Variants in TTC39C observed in about 807,000 individuals in gnomAD.
TTC39C encodes tetratricopeptide repeat protein 39C.
Under a neutral mutation model 76.3 loss-of-function variants are expected in TTC39C, and 33 were observed. The ratio of observed to expected loss-of-function variants is 0.43; its 90% CI spans 0.33 to 0.58. The LOEUF (loss-of-function observed/expected upper bound fraction) is 0.58, where lower values mean the gene tolerates loss of function less well. TTC39C is among the 20% of genes least tolerant of loss of function. The probability of loss-of-function intolerance (pLI) is 0.04; values close to 1 mark genes in which losing one functional copy is unlikely to be tolerated. For missense variants in TTC39C, 595 were observed against 701.4 expected, an observed-to-expected ratio of 0.85 and a Z score of 1.71; for synonymous variants, 254 against 260.6, an observed-to-expected ratio of 0.97 and a Z score of 0.24.
At chr18:24,026,784 T>C (rs532327927) in intron 1 of TTC39C, among the ~76,000 whole-genome samples, 2 of 152,292 alleles carry the variant, frequency 1.3e-5, no homozygotes, top group African/African-American at 4.8e-5. Context: ...GTTGCCTCCT[T>C]CCATCTGCAG....
At chr18:24,131,114 G>A (rs1006332076) in intron 12 of TTC39C, among the ~76,000 whole-genome samples, 7 of 149,608 alleles carry the variant, frequency 4.7e-5, no homozygotes. Flanking sequence ...TAACCTGGGG[G>A]GCTGAGGTGA....
At chr18:24,052,028 A>C (rs111334985) in intron 1 of TTC39C, among the ~76,000 whole-genome samples, 1 of 152,204 alleles carries the variant, frequency 6.6e-6, no homozygotes, top group South Asian at 2.1e-4. Context: ...AATAGTAATA[A>C]ATGCTCTGCA....
intron 1 of TTC39C, among the ~76,000 whole-genome samples, chr18:24,004,680 A>G (rs1374544020): frequency 2.0e-5 from 3 of 152,216 alleles, no homozygotes; most frequent in African/African-American, 7.2e-5. Flanking sequence ...TCTGAGTTTA[A>G]TATAATAATA....
intron 1 of TTC39C, among the ~76,000 whole-genome samples, chr18:24,054,896 A>T (rs900767436): frequency 6.6e-6 from 1 of 152,032 alleles, no homozygotes; most frequent in Non-Finnish European, 1.5e-5. Flanking sequence ...ATGGCTCCCC[A>T]TTCCTTTCCC....
At chr18:24,066,586 C>G (rs1443834968) in intron 3 of TTC39C, among the ~76,000 whole-genome samples, 1 of 152,152 alleles carries the variant, frequency 6.6e-6, no homozygotes, top group Non-Finnish European at 1.5e-5. Context: ...TGATTTTGCC[C>G]TCACCATTTC....
At chr18:24,018,038 AATTCAGAT>A (rs1436736189) in intron 1 of TTC39C, among the ~76,000 whole-genome samples, 1 of 152,234 alleles carries the variant, frequency 6.6e-6, no homozygotes, top group African/African-American at 2.4e-5. Context: ...TGGATTGTAT[AATTCAGAT>A]ATTATGCATA....
chr18:24,030,786 C>T (rs2083659453), intron 1 of TTC39C, among the ~76,000 whole-genome samples: 1 of 151,266 alleles, frequency 6.6e-6, no homozygotes. Flanking sequence ...TCCTGAGTAG[C>T]TGGGATCATA....
In TTC39C at chr18:24,024,008, A is replaced by ATTTTTT. The variant is rs1568409133; in HGVS notation, c.167+8971_167+8972insTTTTTT. ...TATATATATATATATATATATATAT[A>ATTTTTT]TATATATATTTTTTTTTTTTTTTGA... is the stretch of plus-strand genomic sequence containing the variant. On this transcript the variant is annotated intron_variant, in intron 1 of 13. Coordinates refer to ENST00000317571, the MANE Select transcript of TTC39C (RefSeq NM_001135993.2). Among the ~76,000 whole-genome samples the ATTTTTT allele has an allele frequency of 2.6e-3, 18 of 6,962 alleles. 2 individuals are homozygous for ATTTTTT. Among genetic ancestry groups the ATTTTTT allele is most frequent in the South Asian group, 0.013 (1 of 76 alleles). The allele number at this position is 6,962 out of a possible 152,430, so 4.6% of individuals were successfully genotyped here. A position where few individuals can be genotyped will look rare whatever the true frequency, so the allele number is the denominator to read the frequency against.
At chr18:24,015,292 T>TC (rs1364141694) in intron 1 of TTC39C, 2 of 370,012 alleles carry the variant, frequency 5.4e-6, no homozygotes, top group Admixed American at 9.6e-5. Flanking sequence ...GCGCCCGCAG[T>TC]CCCCCTCTCA....
At position 24,015,034 on chromosome 18, in the gene TTC39C, T is replaced by C. The variant is rs1348042218; in HGVS notation, c.163T>C (p.Tyr55His). The change falls in exon 1 of 14, where the codon TAC becomes CAC. Residue 55 changes from tyrosine to histidine, a missense_variant. Physicochemically the swap from Tyr to His is moderately conservative, Grantham distance 83. Coordinates refer to ENST00000317571, the MANE Select transcript of TTC39C (RefSeq NM_001135993.2). ...FRESDQLFKQ[Y>H]RNHSPLMSFG... The stretch of plus-strand genomic sequence containing the variant: ...GGAGTCGGACCAGCTTTTCAAACAA[T>C]ACAGGTGACCCACGCGTCCCCGATT... The C allele has an allele frequency of 1.4e-6, 2 of 1,452,252 alleles. No individual in the cohort carries two copies. Among genetic ancestry groups the C allele is most frequent in the Non-Finnish European group, 1.8e-6 (2 of 1,097,342 alleles). 90.0% of individuals were successfully genotyped at this position (1,452,252 alleles called of 1,614,324 possible).
chr18:24,117,136 C>A (rs1464443501), intron 7 of TTC39C, among the ~76,000 whole-genome samples: 1 of 152,042 alleles, frequency 6.6e-6, no homozygotes, highest in African/African-American at 2.4e-5. Flanking sequence ...CACTATTAGC[C>A]CCCTTTGCAA....
At chr18:24,023,991 TATATA>T (rs2083560356) in intron 1 of TTC39C, among the ~76,000 whole-genome samples, 1 of 5,398 alleles carries the variant, frequency 1.9e-4, no homozygotes, top group Non-Finnish European at 4.7e-4. Flanking sequence ...CATATATATA[TATATA>T]TATATATATA....
At chr18:24,088,813 C>T (rs1041268842) in intron 6 of TTC39C, among the ~76,000 whole-genome samples, 1 of 152,172 alleles carries the variant, frequency 6.6e-6, no homozygotes, top group Admixed American at 6.5e-5. Context: ...GTTCTTCCCC[C>T]TCATTTTCAA....
At position 24,001,823 on chromosome 18, in the gene TTC39C, G is replaced by GTTTTTTT. The variant is rs750295981; in HGVS notation, c.-17+8799_-17+8805dup. ...GGAGGGTGAGGTGTACGGTAATTCT[G>GTTTTTTT]TTTTTTTTTTTTTTTTTTTTGAGAC... On this transcript the variant is annotated intron_variant, in intron 1 of 13. Transcript: ENST00000304621. 9.3e-3 allele frequency among the ~76,000 whole-genome samples: 532 copies of GTTTTTTT among 57,352 alleles called. 15 individuals carry two copies. Among genetic ancestry groups the GTTTTTTT allele is most frequent in the East Asian group, 0.017 (47 of 2,772 alleles). The allele number at this position is 57,352 out of a possible 152,430, so 37.6% of individuals were successfully genotyped here.
At chr18:24,037,785 G>T (rs1257644594) in intron 1 of TTC39C, among the ~76,000 whole-genome samples, 4 of 152,198 alleles carry the variant, frequency 2.6e-5, no homozygotes, top group African/African-American at 7.2e-5. Flanking sequence ...TGGTGGCAGG[G>T]TTGCTGTTGT....
At position 24,014,843 on chromosome 18, in the gene TTC39C, C is replaced by T; in HGVS notation, c.-29C>T. The T allele has an allele frequency of 8.0e-7, 1 of 1,245,080 alleles. No homozygotes were observed. The allele number at this position is 1,245,080 out of a possible 1,614,324, so 77.1% of individuals were successfully genotyped here. The stretch of plus-strand genomic sequence containing the variant: ...CCGCAGCAGCTGCTCCCGATCTCGC[C>T]TCGGCCCAGCGCAGGGCCTCGCACG... On this transcript the variant is annotated 5_prime_UTR_variant, in exon 1 of 14. Coordinates refer to ENST00000317571, the MANE Select transcript of TTC39C (RefSeq NM_001135993.2).
intron 11 of TTC39C, among the ~76,000 whole-genome samples, chr18:24,129,818 T>C (rs2085100413): frequency 6.6e-6 from 1 of 151,384 alleles, no homozygotes. Flanking sequence ...AATAGGAGAC[T>C]CTTGGCTTTT....
intron 6 of TTC39C, among the ~76,000 whole-genome samples, chr18:24,092,111 A>T (rs367733062): frequency 0.01 from 1,358 of 132,072 alleles, 58 homozygotes; most frequent in Admixed American, 0.054. Flanking sequence ...AAAAAAAAAA[A>T]AAAAAAAAAA....
At chr18:24,057,252 A>G (rs11661701) in intron 1 of TTC39C, among the ~76,000 whole-genome samples, 149,233 of 152,274 alleles carry the variant, frequency 0.98, 73,181 homozygotes, top group Middle Eastern at 1. Context: ...CAGTACCATT[A>G]CACACCGAAA....
Sources: gnomAD v4.1 joint callset for allele counts (sites outside exome capture counted in the v4.1 genomes callset) on GRCh38, gnomAD v4.1.1 for gene constraint, MANE v1.5 for transcripts, NCBI Gene and HGNC (gene_info 2026-07-23, HGNC 2026-07-21) for gene names.